The following VPS50 variants were observed in gnomAD, a reference collection of about 807,000 sequenced individuals.
VPS50 encodes syndetin.
VPS50 carries 70 observed loss-of-function variants against 139.7 expected under a neutral mutation model. The ratio of observed to expected loss-of-function variants is 0.50; its 90% CI spans 0.41 to 0.61. The LOEUF (loss-of-function observed/expected upper bound fraction) is 0.61. Ranked by LOEUF, VPS50 falls within the 20% of genes least tolerant of loss-of-function variation. The pLI, the probability that VPS50 is intolerant of heterozygous loss-of-function variation, is 0.00. For synonymous variants in VPS50, 365 were observed against 376.7 expected (o/e 0.97, Z 0.36); for missense variants, 921 against 1,133.7 (o/e 0.81, Z 2.69).
In VPS50 at chr7:93,294,562, G is replaced by A. The variant is rs922236223; in HGVS notation, c.1093G>A (p.Gly365Ser). 1.9e-6 allele frequency: 3 copies of A among 1,568,656 alleles called. No homozygotes were observed. The African/African-American group carries it at 4.1e-5, about 22-fold the overall frequency. ...ASASEGSNMI[G>S]TEETNFDRGY... ...ATTTTCAGAAGGGAGTAATATGATA[G>A]GTACTGAAGAAACTAATTTTGATCG... The change falls in exon 14 of 28, where the codon GGT becomes AGT. Residue 365 changes from glycine (G) to serine (S), a missense_variant. By Grantham distance (56) the Gly-to-Ser change is moderately conservative (BLOSUM62 0). Transcript: ENST00000305866.
intron 2 of VPS50, among the ~76,000 whole-genome samples, chr7:93,249,996 C>T (rs1233897013): frequency 6.6e-6 from 1 of 151,816 alleles, no homozygotes; most frequent in East Asian, 1.9e-4. Context: ...ATGTAGTTCC[C>T]ACTGTTGGGA....
intron 9 of VPS50, among the ~76,000 whole-genome samples, chr7:93,269,723 A>T (rs1192403504): frequency 1.3e-5 from 2 of 152,074 alleles, no homozygotes; most frequent in Non-Finnish European, 2.9e-5. Flanking sequence ...GGATATTGTC[A>T]GGGGGTTGTG....
Position 93,318,323 on chromosome 7 carries a change from T to G in VPS50, c.1856-5288T>G, listed in dbSNP as rs957472105. 3.3e-5 allele frequency among the ~76,000 whole-genome samples: 5 copies of G among 152,256 alleles called. No individual in the cohort carries two copies. In the South Asian group the frequency reaches 1.0e-3, roughly 32 times the overall value. ...AGATATAATATTTAAAAAATAAACCTGGTAGCCAGGCACTTAGGTAATGGA... is the reference window on the plus strand; with the variant it reads ...AGATATAATATTTAAAAAATAAACCGGGTAGCCAGGCACTTAGGTAATGGA... On this transcript the variant is annotated intron_variant, in intron 20 of 27. Transcript: ENST00000305866.
intron 20 of VPS50, among the ~76,000 whole-genome samples, chr7:93,316,172 T>C (rs1156942778): frequency 1.3e-5 from 2 of 152,150 alleles, no homozygotes; most frequent in Non-Finnish European, 2.9e-5. Flanking sequence ...AGACATGGTG[T>C]ATTCAGAGAC....
chr7:93,342,479 G>A (rs1798247490), intron 23 of VPS50, among the ~76,000 whole-genome samples: 1 of 152,218 alleles, frequency 6.6e-6, no homozygotes, highest in Non-Finnish European at 1.5e-5. Flanking sequence ...GCCCACCACA[G>A]CCCAAGGAGG....
At position 93,341,525 on chromosome 7, in the gene VPS50, T is replaced by C. The variant is rs758202749; in HGVS notation, c.2157T>C (p.Ser719=). ...PHLSHLVVLT[S]GDTLYGLAER... ...TCAGTCACCTAGTGGTTTTGACATC[T>C]GGGGATACGCTGTATGGGTTGGCAG... is the stretch of plus-strand genomic sequence containing the variant. The change falls in exon 23 of 28, where the codon TCT becomes TCC. Residue 719 remains serine (S), a synonymous_variant. Coordinates refer to ENST00000305866, the MANE Select transcript of VPS50 (RefSeq NM_017667.4). The C allele has an allele frequency of 1.1e-5, 17 of 1,612,478 alleles. No homozygotes were observed. Among genetic ancestry groups the C allele is most frequent in the South Asian group, 3.3e-5 (3 of 90,988 alleles).
intron 23 of VPS50, among the ~76,000 whole-genome samples, chr7:93,345,922 C>A (rs1420477289): frequency 6.6e-6 from 1 of 152,154 alleles, no homozygotes; most frequent in Admixed American, 6.5e-5. Context: ...TGGCACAAGA[C>A]AGGGATGCCC....
rs76664997 is a variant in VPS50, at chr7:93,316,235, G to A, written c.1855+4963G>A. Among the ~76,000 whole-genome samples, 627 of 152,338 alleles carry A rather than the reference G, an allele frequency of 4.1e-3. 3 individuals are homozygous for A. Among genetic ancestry groups the A allele is most frequent in the African/African-American group, 0.014 (599 of 41,578 alleles). On this transcript the variant is annotated intron_variant, in intron 20 of 27. Transcript: ENST00000305866. ...AGAAACATGACGGGGCCTGGAGGCAGAAGCAGAGGAGATGTGACGAGAAAG... is the reference window on the plus strand; with the variant it reads ...AGAAACATGACGGGGCCTGGAGGCAAAAGCAGAGGAGATGTGACGAGAAAG...
intron 12 of VPS50, among the ~76,000 whole-genome samples, chr7:93,290,589 T>C (rs1796621073): frequency 6.6e-6 from 1 of 151,988 alleles, no homozygotes; most frequent in African/African-American, 2.4e-5. Context: ...AGATAATCAT[T>C]TGATTTTTCT....
chr7:93,233,848 G>A (rs1392271312), intron 1 of VPS50, among the ~76,000 whole-genome samples: 1 of 152,190 alleles, frequency 6.6e-6, no homozygotes, highest in Non-Finnish European at 1.5e-5. Context: ...GAGTTAGCCT[G>A]ATAGTGGTGT....
rs780138331 is a variant in VPS50, at chr7:93,322,160, CAT to C, written c.1856-1450_1856-1449del. Among the ~76,000 whole-genome samples the C allele has an allele frequency of 9.3e-4, 142 of 152,210 alleles. 1 individual carries two copies. The highest frequency in any genetic ancestry group is 1.5e-3 in the Non-Finnish European group (99 of 67,998). On this transcript the variant is annotated intron_variant, in intron 20 of 27. Transcript: ENST00000305866. ...TTGTATTTGTGTTTCTCTTCTTGAC[CAT>C]CTATTATTTAAAATCATTTCTCACA...
At chr7:93,252,808 C>G (rs1184602607) in intron 3 of VPS50, 33 bp downstream of exon 3, 1 of 1,536,658 alleles carries the variant, frequency 6.5e-7, no homozygotes, top group South Asian at 1.2e-5. Flanking sequence ...ATAACTAAGG[C>G]CTGTTTTGTT....
intron 20 of VPS50, chr7:93,320,915 C>T (rs953011493): frequency 6.6e-6 from 1 of 152,240 alleles, no homozygotes; most frequent in African/African-American, 2.4e-5. Context: ...CTTTTTGGCC[C>T]TCTTATGGTT....
chr7:93,320,012 T>C (rs1023189838), intron 20 of VPS50, among the ~76,000 whole-genome samples: 1 of 152,082 alleles, frequency 6.6e-6, no homozygotes, highest in East Asian at 1.9e-4. Flanking sequence ...CTGTTTCTTT[T>C]GGGATCAACT....
At chr7:93,325,539 A>G (rs576148080) in intron 21 of VPS50, among the ~76,000 whole-genome samples, 6,328 of 151,416 alleles carry the variant, frequency 0.042, 306 homozygotes, top group African/African-American at 0.12. Context: ...GAAAATTTTC[A>G]CAACCTACTC....
intron 9 of VPS50, chr7:93,271,007 A>C: frequency 1.7e-6 from 1 of 576,672 alleles, no homozygotes; most frequent in Non-Finnish European, 2.5e-6. Context: ...CTTTCTTTCT[A>C]CTCACGCAAT....
In VPS50 at chr7:93,258,194, C is replaced by A. The variant is rs751830889; in HGVS notation, c.458C>A (p.Ala153Asp). ...LNIAKEGFTQ[A>D]SLGLLANQRK... ...ATTGCAAAGGAAGGTTTTACTCAAG[C>A]TAGTTTAGGCCTTCTTGCAAATCAA... is the stretch of plus-strand genomic sequence containing the variant. Residue 153 changes from alanine to aspartate, a missense_variant, in exon 7 of 28, where the codon GCT becomes GAT. Physicochemically the swap from Ala to Asp is moderately radical, Grantham distance 126. This residue lies in a region of VPS50 where 744 missense variants were observed against 930.6 expected (regional missense o/e 0.80). Transcript: ENST00000305866. 3.2e-6 allele frequency: 5 copies of A among 1,584,070 alleles called. No homozygotes were observed. In the Admixed American group the frequency reaches 8.4e-5, roughly 26 times the overall value.
At chr7:93,270,241 A>G (rs995620571) in intron 9 of VPS50, among the ~76,000 whole-genome samples, 2 of 152,074 alleles carry the variant, frequency 1.3e-5, no homozygotes, top group Middle Eastern at 3.4e-3. Context: ...TTATGTAATT[A>G]CCACCTAGAA....
intron 18 of VPS50, among the ~76,000 whole-genome samples, chr7:93,306,506 C>T (rs1797120976): frequency 6.6e-6 from 1 of 151,696 alleles, no homozygotes. Flanking sequence ...CTTTGAGGAC[C>T]TCAAAAACAA....
Sources: allele counts gnomAD v4.1 joint callset (sites outside exome capture counted in the v4.1 genomes callset), GRCh38; gene constraint gnomAD v4.1.1; regional missense constraint gnomAD v4.1.1; transcripts MANE v1.5; gene names NCBI Gene and HGNC (gene_info 2026-07-23, HGNC 2026-07-21).